Variants in BMAL2 observed in about 807,000 individuals in gnomAD.
BMAL2 encodes the protein basic helix-loop-helix ARNT-like protein 2.
At chr12:27,341,972 T>C in the BMAL2 span, among the ~76,000 whole-genome samples, 2 of 152,224 alleles carry the variant, frequency 1.3e-5, no homozygotes, top group South Asian at 4.1e-4. Flanking sequence ...AATCTCACTC[T>C]GTCGCCCAGG....
chr12:27,333,951 A>G, the BMAL2 span, among the ~76,000 whole-genome samples: 1 of 152,256 alleles, frequency 6.6e-6, no homozygotes, highest in Non-Finnish European at 1.5e-5. Context: ...TTTAAGACAA[A>G]TGAGAGGCAG....
the BMAL2 span, among the ~76,000 whole-genome samples, chr12:27,339,777 G>A: frequency 2.6e-5 from 4 of 151,852 alleles, no homozygotes; most frequent in Non-Finnish European, 4.4e-5. Flanking sequence ...GGTGCACGCC[G>A]CCATAATAGC....
chr12:27,417,297 C>G, the BMAL2 span, among the ~76,000 whole-genome samples: 2 of 152,168 alleles, frequency 1.3e-5, no homozygotes, highest in Admixed American at 1.3e-4. Context: ...GTTTCCCACT[C>G]CAAAGCAATA....
chr12:27,363,771 A>T, the BMAL2 span, among the ~76,000 whole-genome samples: 1 of 151,932 alleles, frequency 6.6e-6, no homozygotes, highest in East Asian at 1.9e-4. Context: ...TTGTGGTTTC[A>T]TTTTCTTTGT....
chr12:27,337,564 T>C, the BMAL2 span, among the ~76,000 whole-genome samples: 1 of 152,202 alleles, frequency 6.6e-6, no homozygotes, highest in East Asian at 1.9e-4. Context: ...TAGATGGGTC[T>C]GGAGAATCTT....
chr12:27,389,991 T>C, the BMAL2 span: 1 of 1,395,832 alleles, frequency 7.2e-7, no homozygotes, highest in South Asian at 1.3e-5. Context: ...AAAAAACTGT[T>C]TCCTTTCTCA....
chr12:27,363,483 G>C, the BMAL2 span, among the ~76,000 whole-genome samples: 1 of 152,096 alleles, frequency 6.6e-6, no homozygotes. Context: ...ACCAACACTT[G>C]ATATCATCAA....
At chr12:27,345,877 G>T in the BMAL2 span, among the ~76,000 whole-genome samples, 1 of 152,060 alleles carries the variant, frequency 6.6e-6, no homozygotes, top group East Asian at 1.9e-4. Context: ...ATGTTTTTAG[G>T]ATTTTCTCCA....
the BMAL2 span, among the ~76,000 whole-genome samples, chr12:27,335,761 T>C: frequency 2.2e-5 from 3 of 135,862 alleles, no homozygotes; most frequent in Non-Finnish European, 4.7e-5. Context: ...AGGTGTGAAG[T>C]AAAGAGAGGA....
chr12:27,356,355 C>T, the BMAL2 span, among the ~76,000 whole-genome samples: 2 of 152,166 alleles, frequency 1.3e-5, no homozygotes, highest in Non-Finnish European at 2.9e-5. Flanking sequence ...TCCTAGGTAA[C>T]TACATTAGCT....
the BMAL2 span, among the ~76,000 whole-genome samples, chr12:27,347,857 A>G: frequency 5.3e-5 from 8 of 152,196 alleles, no homozygotes; most frequent in African/African-American, 1.9e-4. Flanking sequence ...ACAGTCCAGT[A>G]TGAGCAATGC....
the BMAL2 span, among the ~76,000 whole-genome samples, chr12:27,362,312 G>A: frequency 6.6e-6 from 1 of 152,160 alleles, no homozygotes; most frequent in African/African-American, 2.4e-5. Flanking sequence ...GGTAGGTGGT[G>A]ATCCTGAACT....
At chr12:27,405,289 C>T in the BMAL2 span, among the ~76,000 whole-genome samples, 1 of 152,210 alleles carries the variant, frequency 6.6e-6, no homozygotes, top group Non-Finnish European at 1.5e-5. Context: ...TGAGAATGGA[C>T]AGACTGCCTC....
chr12:27,361,416 C>A, the BMAL2 span, among the ~76,000 whole-genome samples: 1 of 152,086 alleles, frequency 6.6e-6, no homozygotes, highest in Non-Finnish European at 1.5e-5. Flanking sequence ...AAGGCAATCA[C>A]GATATCTTCG....
At chr12:27,338,219 A>G in the BMAL2 span, among the ~76,000 whole-genome samples, 1 of 152,258 alleles carries the variant, frequency 6.6e-6, no homozygotes, top group African/African-American at 2.4e-5. Context: ...ACAGAGAAGC[A>G]GAAGTGGATA....
At chr12:27,370,051 T>C in the BMAL2 span, 1 of 1,039,626 alleles carries the variant, frequency 9.6e-7, no homozygotes, top group South Asian at 1.3e-5. Flanking sequence ...TAGGCTACTT[T>C]CTCCACTTGA....
chr12:27,377,979 C>T, the BMAL2 span, among the ~76,000 whole-genome samples: 1 of 152,006 alleles, frequency 6.6e-6, no homozygotes, highest in Non-Finnish European at 1.5e-5. Flanking sequence ...GGAAAAATTA[C>T]ACTTTCTTTT....
the BMAL2 span, among the ~76,000 whole-genome samples, chr12:27,416,399 A>G: frequency 1.0e-3 from 148 of 141,794 alleles, 1 homozygote; most frequent in African/African-American, 2.9e-3. Context: ...TGAGGTTTGG[A>G]AAAAAAAAGC....
the BMAL2 span, among the ~76,000 whole-genome samples, chr12:27,362,889 C>G: frequency 3.9e-5 from 6 of 152,120 alleles, no homozygotes; most frequent in Non-Finnish European, 8.8e-5. Flanking sequence ...CTGTAACCCT[C>G]AACTCCTGGA....
Sources: allele counts gnomAD v4.1 joint callset (sites outside exome capture counted in the v4.1 genomes callset), GRCh38; gene constraint gnomAD v4.1.1; transcripts MANE v1.5; gene names NCBI Gene and HGNC (gene_info 2026-07-23, HGNC 2026-07-21).